The following RYR3 variants were observed in gnomAD, a reference collection of about 807,000 sequenced individuals.
RYR3 encodes the protein brain ryanodine receptor-calcium release channel.
RYR3 carries 207 observed loss-of-function variants against 584.3 expected under a neutral mutation model. The observed-to-expected ratio is 0.35, with a 90% CI of 0.32 to 0.40. RYR3 has a LOEUF of 0.40. Among genes scored for constraint, RYR3 ranks in the 10% least tolerant of loss-of-function variants. RYR3 has a pLI of 1.00. For synonymous variants in RYR3, 2,416 were observed against 2,248.5 expected (o/e 1.07, Z -2.11); for missense variants, 5,616 against 6,089.2 (o/e 0.92, Z 2.59).
chr15:33,600,318 GAA>G (rs1030654212), intron 16 of RYR3, among the ~76,000 whole-genome samples: 261 of 152,112 alleles, frequency 1.7e-3, no homozygotes, highest in African/African-American at 6.1e-3. Context: ...TGGCCACTTT[GAA>G]AGACTGAAAT....
At chr15:33,460,882 A>G (rs2047969844) in intron 1 of RYR3, among the ~76,000 whole-genome samples, 1 of 148,990 alleles carries the variant, frequency 6.7e-6, no homozygotes, top group Non-Finnish European at 1.5e-5. Flanking sequence ...TTTTGATAGG[A>G]ACAGCCCCAC....
At chr15:33,437,117 AGTGTGTGTGTGTGTGT>A (rs71415518) in intron 1 of RYR3, among the ~76,000 whole-genome samples, 20,681 of 149,480 alleles carry the variant, frequency 0.14, 1,618 homozygotes, top group East Asian at 0.33. Flanking sequence ...AGAGAGATAG[AGTGTGTGTGTGTGTGT>A]GTGTGTGTGT....
intron 27 of RYR3, among the ~76,000 whole-genome samples, chr15:33,639,407 C>T (rs2061674399): frequency 6.6e-6 from 1 of 152,214 alleles, no homozygotes. Flanking sequence ...ACATGCCATT[C>T]TTTGATAACA....
chr15:33,779,006 A>G (rs1018066076), intron 64 of RYR3, among the ~76,000 whole-genome samples: 1 of 152,252 alleles, frequency 6.6e-6, no homozygotes, highest in Admixed American at 6.5e-5. Context: ...TTTTTAAAAT[A>G]TGTTTGGTAA....
intron 1 of RYR3, among the ~76,000 whole-genome samples, chr15:33,473,042 T>G (rs1435116): frequency 6.6e-6 from 1 of 151,954 alleles, no homozygotes; most frequent in Non-Finnish European, 1.5e-5. Flanking sequence ...CTCTGTTCCC[T>G]TCAATCCTAT....
At chr15:33,553,376 A>G (rs187273843) in intron 10 of RYR3, among the ~76,000 whole-genome samples, 17 of 152,228 alleles carry the variant, frequency 1.1e-4, no homozygotes, top group African/African-American at 3.9e-4. Flanking sequence ...GGGCCACTGG[A>G]CAGCTGCAGG....
At chr15:33,580,271 T>C in intron 13 of RYR3, 127 bp downstream of exon 13, 1 of 800,244 alleles carries the variant, frequency 1.2e-6, no homozygotes, top group Non-Finnish European at 1.9e-6. Context: ...AAGAGAGATT[T>C]GGAAGCTGGG....
At chr15:33,685,470 GAC>G (rs2152746686) in intron 38 of RYR3, among the ~76,000 whole-genome samples, 1 of 152,228 alleles carries the variant, frequency 6.6e-6, no homozygotes, top group South Asian at 2.1e-4. Context: ...CCTACAAAGA[GAC>G]TTAGACTCCC....
chr15:33,633,042 A>G lies in RYR3; in HGVS notation c.2961A>G (p.Ala987=), dbSNP rs375276848. ...AAGAAATTTTAGTGGATAAGCTTGC[A>G]GAAAATGCACACAATGTTTGGGCAA... ...PPQEILVDKL[A]ENAHNVWAKD... The change falls in exon 24 of 104, where the codon GCA becomes GCG. Residue 987 remains alanine, a synonymous_variant. Transcript: ENST00000634891. The G allele has an allele frequency of 4.3e-6, 7 of 1,614,074 alleles. No homozygotes were observed. Among genetic ancestry groups the G allele is most frequent in the Non-Finnish European group, 5.9e-6 (7 of 1,179,888 alleles).
intron 5 of RYR3, among the ~76,000 whole-genome samples, chr15:33,538,014 G>A (rs1457519745): frequency 2.0e-5 from 3 of 151,348 alleles, no homozygotes; most frequent in Non-Finnish European, 4.4e-5. Context: ...CAGGATCAGT[G>A]AGTATTTTTC....
chr15:33,768,346 G>A (rs1596501561), intron 60 of RYR3, among the ~76,000 whole-genome samples: 2 of 152,194 alleles, frequency 1.3e-5, no homozygotes, highest in African/African-American at 4.8e-5. Context: ...GAACGTTTCA[G>A]TACATGGTAC....
intron 38 of RYR3, among the ~76,000 whole-genome samples, chr15:33,678,042 G>C (rs1398879885): frequency 6.6e-6 from 1 of 152,186 alleles, no homozygotes; most frequent in Non-Finnish European, 1.5e-5. Context: ...GGGTTAAGAA[G>C]GGCCATCATC....
intron 1 of RYR3, among the ~76,000 whole-genome samples, chr15:33,324,190 A>C (rs1331116046): frequency 6.6e-6 from 1 of 152,156 alleles, no homozygotes; most frequent in African/African-American, 2.4e-5. Context: ...TTTAGATGTT[A>C]CTATACATCC....
intron 2 of RYR3, among the ~76,000 whole-genome samples, chr15:33,499,111 C>A (rs906520476): frequency 1.3e-5 from 2 of 152,034 alleles, no homozygotes; most frequent in African/African-American, 4.8e-5. Flanking sequence ...CAAGAGTACC[C>A]AAGACCCAGT....
chr15:33,423,516 C>G (rs2044384047), intron 1 of RYR3, among the ~76,000 whole-genome samples: 1 of 152,190 alleles, frequency 6.6e-6, no homozygotes, highest in African/African-American at 2.4e-5. Flanking sequence ...AGTGGAGTTT[C>G]TGGGTCACAT....
At chr15:33,548,556 G>A (rs189178276) in intron 9 of RYR3, among the ~76,000 whole-genome samples, 3 of 152,216 alleles carry the variant, frequency 2.0e-5, no homozygotes, top group Admixed American at 6.5e-5. Flanking sequence ...CAGTAGCTTT[G>A]TTGGCTCCAG....
intron 1 of RYR3, among the ~76,000 whole-genome samples, chr15:33,442,259 G>A (rs2046286867): frequency 6.6e-6 from 1 of 152,086 alleles, no homozygotes; most frequent in African/African-American, 2.4e-5. Flanking sequence ...CTAAAAGATG[G>A]TTGTAAAAAC....
intron 38 of RYR3, among the ~76,000 whole-genome samples, chr15:33,690,290 C>A (rs1401619874): frequency 6.7e-6 from 1 of 150,242 alleles, no homozygotes; most frequent in Non-Finnish European, 1.5e-5. Context: ...GATGACTGTT[C>A]TTAAGCCCAA....
chr15:33,791,705 G>T (rs1042443441), intron 67 of RYR3, among the ~76,000 whole-genome samples: 1 of 152,110 alleles, frequency 6.6e-6, no homozygotes, highest in Non-Finnish European at 1.5e-5. Context: ...AGAATAGGAA[G>T]GAAGTTGCAT....
Sources: allele counts gnomAD v4.1 joint callset (sites outside exome capture counted in the v4.1 genomes callset), GRCh38; gene constraint gnomAD v4.1.1; transcripts MANE v1.5; gene names NCBI Gene and HGNC (gene_info 2026-07-23, HGNC 2026-07-21).